RARB: variants seen among roughly 807,000 people sequenced by gnomAD.
RARB encodes retinoic acid receptor beta, also known as HBV-activated protein.
In RARB, 17 loss-of-function variants were observed where a neutral mutation model predicts 51.9. That is an observed-to-expected ratio of 0.33 (90% CI 0.22 to 0.49). The LOEUF is 0.49. RARB is among the 20% of genes least tolerant of loss of function. The pLI is 0.99. For missense variants in RARB, 369 were observed against 550.8 expected, an observed-to-expected ratio of 0.67 and a Z score of 3.30; for synonymous variants, 215 against 195.4, an observed-to-expected ratio of 1.10 and a Z score of -0.84.
intron 5 of RARB, among the ~76,000 whole-genome samples, chr3:25,414,453 A>T (rs1023223915): frequency 6.6e-6 from 1 of 152,232 alleles, no homozygotes; most frequent in Non-Finnish European, 1.5e-5. Context: ...GAATGGCAGG[A>T]TCACTTGGTA....
intron 2 of RARB, among the ~76,000 whole-genome samples, chr3:24,886,348 T>G (rs1200836776): frequency 6.6e-6 from 1 of 152,172 alleles, no homozygotes; most frequent in African/African-American, 2.4e-5. Flanking sequence ...GTTGTTCAGT[T>G]GAGCTGGCTC....
At chr3:25,189,603 T>C (rs1196724434) in intron 5 of RARB, among the ~76,000 whole-genome samples, 2 of 152,082 alleles carry the variant, frequency 1.3e-5, no homozygotes, top group East Asian at 3.9e-4. Flanking sequence ...TCCTCAGTTG[T>C]TGGGCTGGCA....
At chr3:25,383,477 G>T (rs895688008) in intron 5 of RARB, among the ~76,000 whole-genome samples, 1 of 152,208 alleles carries the variant, frequency 6.6e-6, no homozygotes, top group East Asian at 1.9e-4. Context: ...CAAGTTGGTA[G>T]AACTAGGAGG....
chr3:25,503,708 T>C (rs573099172), intron 3 of RARB, among the ~76,000 whole-genome samples: 192 of 152,304 alleles, frequency 1.3e-3, no homozygotes, highest in Non-Finnish European at 2.5e-3. Flanking sequence ...AATGTAGAGA[T>C]TGAGAGTCTA....
At chr3:25,273,986 G>A (rs1241987695) in intron 5 of RARB, among the ~76,000 whole-genome samples, 1 of 152,130 alleles carries the variant, frequency 6.6e-6, no homozygotes, top group African/African-American at 2.4e-5. Context: ...GCTGCATGCG[G>A]CAGCCTGTCC....
intron 3 of RARB, among the ~76,000 whole-genome samples, chr3:25,557,893 T>C (rs1281906489): frequency 2.6e-5 from 4 of 152,230 alleles, no homozygotes; most frequent in Non-Finnish European, 5.9e-5. Context: ...CCCTGTTGCT[T>C]CTCTCTAGGT....
intron 4 of RARB, among the ~76,000 whole-genome samples, chr3:25,135,315 C>T (rs889679907): frequency 1.4e-4 from 22 of 151,842 alleles, no homozygotes; most frequent in Admixed American, 1.1e-3. Flanking sequence ...ATATATGTGG[C>T]TAGTGACTAC....
intron 2 of RARB, among the ~76,000 whole-genome samples, chr3:25,009,745 T>A (rs1369931131): frequency 1.3e-5 from 2 of 152,102 alleles, no homozygotes; most frequent in African/African-American, 4.8e-5. Context: ...TGATTTGGGA[T>A]AAGCCTTCCA....
Position 25,450,882 on chromosome 3 carries a change from C to T in RARB, c.158-10311C>T, listed in dbSNP as rs193242037. ...GGAGGATCACCTGAGGTCAGGAGTTCGAGACGAGCCTGGCTAACATGGTGA... is the reference window on the plus strand; with the variant it reads ...GGAGGATCACCTGAGGTCAGGAGTTTGAGACGAGCCTGGCTAACATGGTGA... On this transcript the variant is annotated intron_variant, in intron 1 of 7. Transcript: ENST00000330688. Among the ~76,000 whole-genome samples the T allele has an allele frequency of 1.4e-4, 22 of 152,186 alleles. No individual in the cohort carries two copies. In the East Asian group the frequency reaches 2.3e-3, roughly 16 times the overall value.
intron 3 of RARB, among the ~76,000 whole-genome samples, chr3:25,111,680 G>A (rs1164754598): frequency 1.4e-5 from 2 of 141,220 alleles, no homozygotes; most frequent in Non-Finnish European, 3.0e-5. Flanking sequence ...CTGGGTTCAA[G>A]CAATTCTCCT....
intron 5 of RARB, among the ~76,000 whole-genome samples, chr3:25,257,678 C>A (rs1702898883): frequency 6.6e-6 from 1 of 152,098 alleles, no homozygotes; most frequent in South Asian, 2.1e-4. Flanking sequence ...TGCCTCCGCT[C>A]CTTCCTAGGC....
intron 5 of RARB, among the ~76,000 whole-genome samples, chr3:25,315,801 TAG>T (rs1704409502): frequency 6.6e-6 from 1 of 151,746 alleles, no homozygotes; most frequent in Non-Finnish European, 1.5e-5. Context: ...TTATTTTTAG[TAG>T]AGAGGGGGTT....
At chr3:25,388,861 T>C (rs1706868551) in intron 5 of RARB, among the ~76,000 whole-genome samples, 2 of 152,148 alleles carry the variant, frequency 1.3e-5, no homozygotes, top group African/African-American at 4.8e-5. Context: ...TAAAAAAAAA[T>C]CTAGAAACTG....
At chr3:25,533,038 A>G (rs904028823) in intron 3 of RARB, among the ~76,000 whole-genome samples, 2 of 152,208 alleles carry the variant, frequency 1.3e-5, no homozygotes, top group African/African-American at 4.8e-5. Context: ...AAACTCAAAG[A>G]GAATTCTTTG....
chr3:24,887,398 T>G lies in RARB; in HGVS notation c.-380+28646T>G, dbSNP rs1417777554. Among the ~76,000 whole-genome samples the G allele has an allele frequency of 1.1e-4, 17 of 152,372 alleles. No homozygotes were observed. In the East Asian group the frequency reaches 3.3e-3, roughly 29 times the overall value. ...ATAGTATATTAACTCTGAAGAATGC[T>G]TCATAAATGTGCCTGCTGAGGCTGG... On this transcript the variant is annotated intron_variant, in intron 2 of 11. Coordinates refer to the RARB transcript ENST00000383772.
At chr3:25,505,853 A>C (rs1697558440) in intron 3 of RARB, among the ~76,000 whole-genome samples, 1 of 152,182 alleles carries the variant, frequency 6.6e-6, no homozygotes, top group South Asian at 2.1e-4. Flanking sequence ...AAAACAATTA[A>C]TGAAAAAGAG....
intron 2 of RARB, among the ~76,000 whole-genome samples, chr3:25,477,425 G>T (rs34589042): frequency 6.6e-6 from 1 of 152,148 alleles, no homozygotes; most frequent in Non-Finnish European, 1.5e-5. Context: ...CAATTATTCA[G>T]GTTACTTCTT....
chr3:25,522,014 A>T (rs960675652), intron 3 of RARB, among the ~76,000 whole-genome samples: 7 of 151,924 alleles, frequency 4.6e-5, no homozygotes, highest in Non-Finnish European at 7.4e-5. Flanking sequence ...ACCTTTTTAT[A>T]TGGGGATCTC....
intron 5 of RARB, among the ~76,000 whole-genome samples, chr3:25,221,127 TATA>T (rs1701939204): frequency 6.7e-6 from 1 of 149,226 alleles, no homozygotes; most frequent in Non-Finnish European, 1.5e-5. Flanking sequence ...AAGATACAGA[TATA>T]ATGGAACTAA....
Sources: allele counts gnomAD v4.1 joint callset (sites outside exome capture counted in the v4.1 genomes callset), GRCh38; gene constraint gnomAD v4.1.1; transcripts MANE v1.5; gene names NCBI Gene and HGNC (gene_info 2026-07-23, HGNC 2026-07-21).